AGFG1: variants seen among roughly 807,000 people sequenced by gnomAD.
The protein encoded by AGFG1 is ArfGAP with FG repeats 1.
A neutral mutation model predicts 60.6 loss-of-function variants in AGFG1; 10 were observed. The ratio of observed to expected loss-of-function variants is 0.16; its 90% CI spans 0.10 to 0.28. The LOEUF (loss-of-function observed/expected upper bound fraction) is 0.28, where lower values mean the gene tolerates loss of function less well. Among genes scored for constraint, AGFG1 ranks in the 10% least tolerant of loss-of-function variants. The pLI is 1.00. For missense variants in AGFG1, 537 were observed against 676.5 expected (o/e 0.79, Z 2.29); for synonymous variants, 247 against 242.9 (o/e 1.02, Z -0.16).
intron 10 of AGFG1, among the ~76,000 whole-genome samples, chr2:227,538,953 G>A (rs937665897): frequency 6.6e-6 from 1 of 152,106 alleles, no homozygotes; most frequent in Non-Finnish European, 1.5e-5. Flanking sequence ...TCCATTATAA[G>A]TCATTTTGAA....
chr2:227,514,542 A>G (rs909991072), intron 2 of AGFG1, among the ~76,000 whole-genome samples: 2 of 152,186 alleles, frequency 1.3e-5, no homozygotes, highest in Non-Finnish European at 2.9e-5. Context: ...TACAAAACAT[A>G]TATTAATTTA....
intron 6 of AGFG1, chr2:227,532,076 T>C: frequency 7.4e-7 from 1 of 1,357,866 alleles, no homozygotes; most frequent in Non-Finnish European, 1.0e-6. Context: ...AGCCTTTTCT[T>C]TCAATTTTCT....
At chr2:227,534,606 A>T (rs189856290) in intron 7 of AGFG1, among the ~76,000 whole-genome samples, 9 of 152,182 alleles carry the variant, frequency 5.9e-5, no homozygotes, top group African/African-American at 1.9e-4. Context: ...ATCCAGACAA[A>T]TTTTTTTGGT....
At chr2:227,477,170 G>A (rs1186214983) in intron 1 of AGFG1, among the ~76,000 whole-genome samples, 3 of 152,116 alleles carry the variant, frequency 2.0e-5, no homozygotes, top group Non-Finnish European at 4.4e-5. Context: ...CAAAGTGCTG[G>A]AATTACAGGC....
chr2:227,518,009 G>A (rs1181267940), intron 2 of AGFG1, among the ~76,000 whole-genome samples: 2 of 152,186 alleles, frequency 1.3e-5, no homozygotes, highest in South Asian at 2.1e-4. Flanking sequence ...GCTTTTCATC[G>A]CTGTAGACTG....
intron 5 of AGFG1, among the ~76,000 whole-genome samples, chr2:227,526,867 C>G (rs1374981799): frequency 6.6e-6 from 1 of 152,040 alleles, no homozygotes. Context: ...TTTGATAGAA[C>G]TCTTGTGGTC....
At chr2:227,543,555 G>C (rs1234294850) in intron 10 of AGFG1, among the ~76,000 whole-genome samples, 1 of 152,204 alleles carries the variant, frequency 6.6e-6, no homozygotes, top group Non-Finnish European at 1.5e-5. Context: ...TGCATTTGCT[G>C]AAGAGTGCTT....
chr2:227,505,837 C>T (rs374394904), intron 2 of AGFG1, among the ~76,000 whole-genome samples: 155 of 152,274 alleles, frequency 1.0e-3, no homozygotes, highest in Non-Finnish European at 1.9e-3. Context: ...CTCCCAGGTT[C>T]AAGTGATTCT....
At chr2:227,518,184 A>C (rs148254257) in intron 2 of AGFG1, among the ~76,000 whole-genome samples, 42 of 152,192 alleles carry the variant, frequency 2.8e-4, no homozygotes, top group African/African-American at 1.0e-3. Context: ...ATATTCTCCC[A>C]TTTGTTTATT....
In AGFG1 at chr2:227,519,953, T is replaced by C. The variant is rs767494345; in HGVS notation, c.267T>C (p.Cys89=). Residue 89 remains cysteine (C), a synonymous_variant, in exon 3 of 13, where the codon TGT becomes TGC. Transcript: ENST00000310078. ...TTTTTTAATTCTTTCCAAAGGTCTG[T>C]AAACAGATTTGGCTAGGATTATTTG... ...EFLQKHGNEV[C]KQIWLGLFDD... The C allele has an allele frequency of 1.5e-5, 24 of 1,578,418 alleles. No individual in the cohort carries two copies. In the East Asian group the frequency reaches 4.6e-4, roughly 31 times the overall value.
rs762322083 is a variant in AGFG1, at chr2:227,472,499, C to T, written c.78C>T (p.Asn26=). 19 of 1,582,160 alleles carry T rather than the reference C, an allele frequency of 1.2e-5. No individual in the cohort carries two copies. The African/African-American group carries it at 1.4e-4, about 12-fold the overall frequency. The change falls in exon 1 of 13, where the codon AAC becomes AAT. Residue 26 remains asparagine, a synonymous_variant. Coordinates refer to ENST00000310078, the MANE Select transcript of AGFG1 (RefSeq NM_004504.5). ...MLRDMTGLPH[N]RKCFDCDQRG... ...GGGACATGACCGGCCTCCCGCACAA[C>T]CGAAAGTGCTTCGACTGCGACCAGC...
rs1223823412 is a variant in AGFG1, at chr2:227,532,452, CTTTG to C, written c.815-1092_815-1089del. 5.9e-5 allele frequency among the ~76,000 whole-genome samples: 9 copies of C among 152,114 alleles called. No homozygotes were observed. In the East Asian group the frequency reaches 9.6e-4, roughly 16 times the overall value. ...ATAAATTTTGAAAGTTTAGTATGTA[CTTTG>C]TTTGCCAGCTCCTTGTAACAGGTCA... is the stretch of plus-strand genomic sequence containing the variant. On this transcript the variant is annotated intron_variant, in intron 6 of 12. Transcript: ENST00000310078.
intron 2 of AGFG1, among the ~76,000 whole-genome samples, chr2:227,496,453 A>T (rs1224914208): frequency 3.1e-4 from 47 of 150,018 alleles, no homozygotes; most frequent in East Asian, 1.6e-3. Flanking sequence ...AAAAAAAAAA[A>T]TAAATAAAAT....
chr2:227,554,215 G>T (rs1219211319), intron 12 of AGFG1, among the ~76,000 whole-genome samples: 1 of 152,022 alleles, frequency 6.6e-6, no homozygotes, highest in Non-Finnish European at 1.5e-5. Context: ...TCTATTACAA[G>T]AACTGTTTGA....
Position 227,560,090 on chromosome 2 carries a change from G to A in AGFG1, c.*5595G>A, listed in dbSNP as rs1693092927. ...TTTATATATGGCTCTCTCTCTGTAT[G>A]CCTCTTCCTGTTCTTATTTTAAATG... On this transcript the variant is annotated 3_prime_UTR_variant, in exon 13 of 13. Transcript: ENST00000310078. The A allele has an allele frequency of 6.6e-6, 1 of 151,978 alleles. No homozygotes were observed. Among genetic ancestry groups the A allele is most frequent in the African/African-American group, 2.4e-5 (1 of 41,386 alleles). 9.4% of individuals were successfully genotyped at this position (151,978 alleles called of 1,614,324 possible). A position where few individuals can be genotyped will look rare whatever the true frequency, so the allele number is the denominator to read the frequency against.
chr2:227,533,516 G>C, intron 6 of AGFG1, 33 bp from the exon 7 acceptor site: 1 of 1,593,836 alleles, frequency 6.3e-7, no homozygotes, highest in Non-Finnish European at 8.6e-7. Context: ...GAAAAGCTTA[G>C]AAATTTCAAG....
At chr2:227,532,228 T>G in intron 6 of AGFG1, 7 of 1,530,014 alleles carry the variant, frequency 4.6e-6, no homozygotes, top group Middle Eastern at 3.4e-4. Flanking sequence ...TGTTGTCAAG[T>G]AGGCATCTTA....
chr2:227,544,653 G>T (rs1253075264), intron 10 of AGFG1, among the ~76,000 whole-genome samples: 1 of 152,142 alleles, frequency 6.6e-6, no homozygotes, highest in Non-Finnish European at 1.5e-5. Context: ...GGCAGGCCTG[G>T]TGGTGACAGA....
chr2:227,497,730 G>GTTTTTTTTTTTTTTTTT (rs148621752), intron 2 of AGFG1, among the ~76,000 whole-genome samples: 4 of 38,924 alleles, frequency 1.0e-4, no homozygotes, highest in Admixed American at 3.9e-4. Context: ...TTTCTTTCTT[G>GTTTTTTTTTTTTTTTTT]TTTTGTTTTT....
Sources: allele counts gnomAD v4.1 joint callset (sites outside exome capture counted in the v4.1 genomes callset), GRCh38; gene constraint gnomAD v4.1.1; transcripts MANE v1.5; gene names NCBI Gene and HGNC (gene_info 2026-07-23, HGNC 2026-07-21).